Variants in CDC25C observed in about 807,000 individuals in gnomAD.
CDC25C encodes the protein M-phase inducer phosphatase 3.
Under a neutral mutation model 52.5 loss-of-function variants are expected in CDC25C, and 48 were observed. That is an observed-to-expected ratio of 0.91 (90% confidence interval 0.72 to 1.16). The LOEUF (loss-of-function observed/expected upper bound fraction) is 1.16, where lower values mean the gene tolerates loss of function less well. Among genes scored for constraint, CDC25C ranks in the 50% most tolerant of loss-of-function variants. CDC25C has a pLI of 0.00. For synonymous variants in CDC25C, 187 were observed against 206.5 expected, an observed-to-expected ratio of 0.91 and a Z score of 0.81; for missense variants, 510 against 566.1, an observed-to-expected ratio of 0.90 and a Z score of 1.01.
rs562635472 is a variant in CDC25C at position 138,309,381 on chromosome 5, C to A, written c.615+9838G>T. On this transcript the variant is annotated intron_variant, in intron 7 of 13. Transcript: ENST00000323760. ...GACCAGCCTGGCCAACATGGTGAAACCCTATCTCTACTAAAAATACAAAAA... is the reference window on the plus strand; with the variant it reads ...GACCAGCCTGGCCAACATGGTGAAAACCTATCTCTACTAAAAATACAAAAA... Among the ~76,000 whole-genome samples the A allele has an allele frequency of 3.9e-5, 6 of 152,120 alleles. 1 individual carries two copies. Among genetic ancestry groups the A allele is most frequent in the Admixed American group, 3.3e-4 (5 of 15,268 alleles).
At chr5:138,319,751 T>C (rs1759198521) in intron 6 of CDC25C, among the ~76,000 whole-genome samples, 1 of 152,174 alleles carries the variant, frequency 6.6e-6, no homozygotes, top group African/African-American at 2.4e-5. Context: ...CCAAAGAAGA[T>C]ATACAAATGG....
intron 7 of CDC25C, among the ~76,000 whole-genome samples, chr5:138,309,036 C>T (rs180828514): frequency 7.9e-5 from 12 of 152,182 alleles, no homozygotes; most frequent in Admixed American, 1.3e-4. Flanking sequence ...TAAATGGGAG[C>T]TCTTGTTATT....
chr5:138,288,649 G>T (rs1756462306), intron 10 of CDC25C, among the ~76,000 whole-genome samples: 1 of 152,110 alleles, frequency 6.6e-6, no homozygotes, highest in South Asian at 2.1e-4. Flanking sequence ...CCGAGATTGT[G>T]CCATTGCACT....
chr5:138,325,708 T>C lies in CDC25C; in HGVS notation c.459+107A>G, dbSNP rs1314312397. 3 of 768,006 alleles carry C rather than the reference T, an allele frequency of 3.9e-6. No individual in the cohort carries two copies. In the East Asian group the frequency reaches 7.8e-5, roughly 20 times the overall value. The allele number at this position is 768,006 out of a possible 1,614,324, so 47.6% of individuals were successfully genotyped here. ...CTCCCCTATAGTAATACAGTTTCCT[T>C]GTCTAGCATACGAGGTATAAACAGT... On this transcript the variant is annotated intron_variant, in intron 6 of 13. Coordinates refer to ENST00000323760, the MANE Select transcript of CDC25C (RefSeq NM_001790.5).
chr5:138,337,852 G>A, intron 1 of CDC25C: 1 of 718,606 alleles, frequency 1.4e-6, no homozygotes, highest in East Asian at 6.6e-5. Flanking sequence ...CAGCAGAGCA[G>A]GTGAGGGGCA....
intron 6 of CDC25C, among the ~76,000 whole-genome samples, chr5:138,322,797 T>TTCC: frequency 6.6e-6 from 1 of 151,718 alleles, no homozygotes; most frequent in Non-Finnish European, 1.5e-5. Context: ...CATATTTTTT[T>TTCC]TTCAGTAGAG....
intron 7 of CDC25C, among the ~76,000 whole-genome samples, chr5:138,314,374 C>T (rs7723158): frequency 0.45 from 67,123 of 150,640 alleles, 16,478 homozygotes; most frequent in South Asian, 0.68. Context: ...TGGCTCAATG[C>T]AACCTCCACC....
intron 8 of CDC25C, 25 bp from the exon 9 acceptor site, chr5:138,290,765 C>T (rs779480551): frequency 2.2e-6 from 3 of 1,354,020 alleles, no homozygotes; most frequent in East Asian, 4.6e-5. Flanking sequence ...ATTCCCACCC[C>T]ACACCCAATC....
At chr5:138,326,078 G>T (rs1180093148) in intron 4 of CDC25C, 24 bp from the exon 5 acceptor site, 1 of 1,613,324 alleles carries the variant, frequency 6.2e-7, no homozygotes, top group African/African-American at 1.3e-5. Flanking sequence ...CAAACTGCCT[G>T]TCAGGTTAGT....
intron 7 of CDC25C, among the ~76,000 whole-genome samples, chr5:138,313,637 TCTA>T (rs1054742460): frequency 6.6e-6 from 1 of 152,150 alleles, no homozygotes; most frequent in Non-Finnish European, 1.5e-5. Flanking sequence ...CCTATATGTG[TCTA>T]CTTCATTATC....
chr5:138,325,297 C>T (rs1759760915), intron 6 of CDC25C, among the ~76,000 whole-genome samples: 1 of 152,102 alleles, frequency 6.6e-6, no homozygotes, highest in African/African-American at 2.4e-5. Context: ...ACAGAACTAT[C>T]TTAGTGATGA....
At chr5:138,324,089 G>A (rs1386426434) in intron 6 of CDC25C, among the ~76,000 whole-genome samples, 1 of 151,626 alleles carries the variant, frequency 6.6e-6, no homozygotes, top group Non-Finnish European at 1.5e-5. Context: ...TGGGCAAGAT[G>A]GTGAAACCCC....
At chr5:138,307,319 A>T (rs1256474750) in intron 7 of CDC25C, among the ~76,000 whole-genome samples, 2 of 151,050 alleles carry the variant, frequency 1.3e-5, no homozygotes, top group African/African-American at 4.9e-5. Context: ...CCTGGGCAAC[A>T]TGGTGAAATT....
chr5:138,299,269 G>A (rs1757455128), intron 7 of CDC25C, among the ~76,000 whole-genome samples: 1 of 150,848 alleles, frequency 6.6e-6, no homozygotes, highest in Non-Finnish European at 1.5e-5. Context: ...GCTGAGGCGG[G>A]AGGACCACTT....
intron 7 of CDC25C, among the ~76,000 whole-genome samples, chr5:138,310,325 A>C (rs1458004009): frequency 6.6e-6 from 1 of 152,172 alleles, no homozygotes; most frequent in Non-Finnish European, 1.5e-5. Flanking sequence ...CCCTCATAGG[A>C]CCTTACAAAT....
rs768551983 is a variant in CDC25C at position 138,331,017 on chromosome 5, C to G, written c.164G>C (p.Gly55Ala). Residue 55 changes from glycine to alanine, a missense_variant, in exon 2 of 14, where the codon GGT (glycine) becomes GCT (alanine). Transcript: ENST00000323760. ...VPRTPVGKFL[G>A]DSANLSILSG... is the part of the protein sequence containing the mutation. ...CAAAATGCTTAGGTTTGCAGAATCACCAAGAAATTTGCCCACTGGAGTTCT... is the reference window on the plus strand; with the variant it reads ...CAAAATGCTTAGGTTTGCAGAATCAGCAAGAAATTTGCCCACTGGAGTTCT... The G allele has an allele frequency of 7.4e-6, 12 of 1,613,664 alleles. No homozygotes were observed. The highest frequency in any genetic ancestry group is 5.5e-5 in the South Asian group (5 of 91,076).
In CDC25C at chr5:138,331,709, C is replaced by A; in HGVS notation, c.-153G>T. 1 of 990,364 alleles carries A rather than the reference C, an allele frequency of 1.0e-6. No homozygotes were observed. 61.3% of individuals were successfully genotyped at this position (990,364 alleles called of 1,614,324 possible). On this transcript the variant is annotated 5_prime_UTR_variant, in exon 1 of 14. Transcript: ENST00000323760. ...AATCTAGGGGAAAGGAGGTAGTTAA[C>A]TAGATTGCAGCTCTGCCTTCCGACT...
chr5:138,313,836 C>T (rs1207236975), intron 7 of CDC25C, among the ~76,000 whole-genome samples: 1 of 152,034 alleles, frequency 6.6e-6, no homozygotes, highest in Admixed American at 6.6e-5. Context: ...ACTCAATGTC[C>T]AAAACAGAAC....
chr5:138,314,758 G>A (rs1207806303), intron 7 of CDC25C, among the ~76,000 whole-genome samples: 1 of 148,324 alleles, frequency 6.7e-6, no homozygotes, highest in African/African-American at 2.5e-5. Flanking sequence ...ACAGGTGCCC[G>A]CCACCACACC....
Sources: gnomAD v4.1 joint callset for allele counts (sites outside exome capture counted in the v4.1 genomes callset) on GRCh38, gnomAD v4.1.1 for gene constraint, MANE v1.5 for transcripts, NCBI Gene and HGNC (gene_info 2026-07-23, HGNC 2026-07-21) for gene names.